NEBL: variants seen among roughly 807,000 people sequenced by gnomAD.
NEBL encodes the protein LIM and SH3 protein 2.
A neutral mutation model predicts 140.2 loss-of-function variants in NEBL; 122 were observed. The observed-to-expected ratio is 0.87, with a 90% confidence interval of 0.75 to 1.01. NEBL has a LOEUF of 1.01. Ranked by LOEUF, NEBL falls within the 50% of genes least tolerant of loss-of-function variation. The pLI is 0.00. For missense variants in NEBL, 1,365 were observed against 1,231.3 expected, an observed-to-expected ratio of 1.11 and a Z score of -1.62; for synonymous variants, 436 against 398.9, an observed-to-expected ratio of 1.09 and a Z score of -1.11.
chr10:21,290,323 G>T (rs767360572), intron 1 of NEBL, among the ~76,000 whole-genome samples: 11 of 152,126 alleles, frequency 7.2e-5, no homozygotes, highest in Non-Finnish European at 1.3e-4. Context: ...GAGCATTTTT[G>T]AATTAAAGGA....
chr10:21,159,951 C>T (rs572496307), intron 2 of NEBL, among the ~76,000 whole-genome samples: 3 of 152,334 alleles, frequency 2.0e-5, no homozygotes, highest in Admixed American at 2.0e-4. Context: ...CTTGATCCTT[C>T]CTCCATTCAG....
rs1290863314 is a variant in NEBL at position 20,884,067 on chromosome 10, G to C, written c.370-3163C>G. On this transcript the variant is annotated intron_variant, in intron 4 of 27. Coordinates refer to ENST00000377122, the MANE Select transcript of NEBL (RefSeq NM_006393.3). ...ATACTTTGAGAACTGAGATTGCCATGTTACTAGGAACCTGGAGACAGGAGT... is the reference window on the plus strand; with the variant it reads ...ATACTTTGAGAACTGAGATTGCCATCTTACTAGGAACCTGGAGACAGGAGT... Among the ~76,000 whole-genome samples, 5 of 152,156 alleles carry C rather than the reference G, an allele frequency of 3.3e-5. No individual in the cohort carries two copies. The South Asian group carries it at 1.0e-3, about 32-fold the overall frequency.
chr10:21,208,202 A>G (rs1003042647), intron 3 of NEBL, among the ~76,000 whole-genome samples: 2 of 152,232 alleles, frequency 1.3e-5, no homozygotes, highest in Admixed American at 6.5e-5. Flanking sequence ...TGAAATCATC[A>G]GGACATAGAA....
intron 2 of NEBL, among the ~76,000 whole-genome samples, chr10:21,107,729 T>C (rs528088804): frequency 6.0e-4 from 91 of 152,266 alleles, no homozygotes; most frequent in Middle Eastern, 6.8e-3. Flanking sequence ...ATTGAAATAG[T>C]TTTGGAAGGA....
At chr10:20,823,836 A>C (rs1466919581) in intron 18 of NEBL, among the ~76,000 whole-genome samples, 1 of 152,108 alleles carries the variant, frequency 6.6e-6, no homozygotes, top group Non-Finnish European at 1.5e-5. Flanking sequence ...AGAAGAGAAA[A>C]AGGGAGATGG....
intron 11 of NEBL, among the ~76,000 whole-genome samples, chr10:20,846,419 A>G (rs1416021375): frequency 3.3e-5 from 5 of 152,194 alleles, no homozygotes; most frequent in Non-Finnish European, 7.4e-5. Flanking sequence ...ATGAAGGAGA[A>G]TAAGAGAAGC....
At chr10:21,259,353 G>A (rs886461242) in intron 1 of NEBL, among the ~76,000 whole-genome samples, 2 of 152,026 alleles carry the variant, frequency 1.3e-5, no homozygotes, top group African/African-American at 4.8e-5. Context: ...ACTTGGAGAC[G>A]GCGAGGAAGA....
rs1166715680 is a variant in NEBL, at chr10:20,867,342, T to A, written c.684+1322A>T. ...TCGGGACTTATTTTATGCTCTTCAA[T>A]CAGACTTCATACCTTTCATCATTTA... On this transcript the variant is annotated intron_variant, in intron 7 of 27. Transcript: ENST00000377122. Among the ~76,000 whole-genome samples the A allele has an allele frequency of 6.6e-5, 10 of 152,262 alleles. No homozygotes were observed. In the South Asian group the frequency reaches 2.1e-3, roughly 32 times the overall value.
chr10:20,872,790 T>G (rs1242883133), intron 5 of NEBL, among the ~76,000 whole-genome samples: 1 of 152,060 alleles, frequency 6.6e-6, no homozygotes, highest in East Asian at 1.9e-4. Context: ...CCCACCAGCA[T>G]CAAGACAGTT....
chr10:21,003,931 T>G (rs1838010768), intron 3 of NEBL, among the ~76,000 whole-genome samples: 1 of 152,198 alleles, frequency 6.6e-6, no homozygotes, highest in South Asian at 2.1e-4. Context: ...TTATGGAACT[T>G]TATAAACAAA....
At chr10:21,202,462 T>C in intron 3 of NEBL, among the ~76,000 whole-genome samples, 1 of 80,416 alleles carries the variant, frequency 1.2e-5, no homozygotes, top group East Asian at 2.5e-4. Context: ...TTTCTTTTTC[T>C]TTTTTTTTTT....
At position 20,845,126 on chromosome 10, in the gene NEBL, A is replaced by G. The variant is rs1176785735; in HGVS notation, c.1227+132T>C. On this transcript the variant is annotated intron_variant, in intron 12 of 27. Transcript: ENST00000377122. Reference sequence around the variant, plus strand: ...TGAAAATGCAACACTTTATTAGTGAAGATCAAAGTGAAAAAAAAGAGTAAT... The same window carrying G: ...TGAAAATGCAACACTTTATTAGTGAGGATCAAAGTGAAAAAAAAGAGTAAT... The G allele has an allele frequency of 6.5e-6, 4 of 613,624 alleles. No individual in the cohort carries two copies. The Admixed American group carries it at 8.4e-5, about 13-fold the overall frequency. 38.0% of individuals were successfully genotyped at this position (613,624 alleles called of 1,614,324 possible). A position where few individuals can be genotyped will look rare whatever the true frequency, so the allele number is the denominator to read the frequency against.
intron 5 of NEBL, among the ~76,000 whole-genome samples, chr10:20,878,622 C>T (rs1222709148): frequency 6.6e-6 from 1 of 152,142 alleles, no homozygotes. Context: ...GGCTTGACTC[C>T]AGAGGAATAT....
At chr10:21,094,946 C>T (rs920382245) in intron 2 of NEBL, among the ~76,000 whole-genome samples, 17 of 152,272 alleles carry the variant, frequency 1.1e-4, no homozygotes, top group South Asian at 1.0e-3. Context: ...ACACAGAAAA[C>T]GCTCCCTATA....
chr10:21,122,136 C>T (rs1193335310), intron 2 of NEBL, among the ~76,000 whole-genome samples: 1 of 152,044 alleles, frequency 6.6e-6, no homozygotes, highest in East Asian at 1.9e-4. Context: ...AGCAATTATC[C>T]TGCCTCAGCC....
intron 2 of NEBL, among the ~76,000 whole-genome samples, chr10:21,129,360 C>T (rs1838991639): frequency 1.3e-5 from 2 of 152,002 alleles, no homozygotes; most frequent in African/African-American, 4.8e-5. Context: ...CATCCTCCCA[C>T]CTTAGCCTTT....
intron 4 of NEBL, among the ~76,000 whole-genome samples, chr10:20,910,318 ATAAC>A (rs1848277322): frequency 6.6e-6 from 1 of 152,254 alleles, no homozygotes. Flanking sequence ...GACAAAGATT[ATAAC>A]TAACTCATGA....
intron 1 of NEBL, among the ~76,000 whole-genome samples, chr10:21,274,208 C>T (rs1009982421): frequency 4.6e-5 from 7 of 152,218 alleles, no homozygotes; most frequent in African/African-American, 1.7e-4. Flanking sequence ...CTCAGTCCAA[C>T]ATCCTTGCAG....
At chr10:20,789,773 T>C (rs1029671484) in intron 26 of NEBL, among the ~76,000 whole-genome samples, 1 of 151,776 alleles carries the variant, frequency 6.6e-6, no homozygotes, top group African/African-American at 2.4e-5. Context: ...GGATTGCTTG[T>C]ATCTGGGAGG....
Sources: allele counts gnomAD v4.1 joint callset (sites outside exome capture counted in the v4.1 genomes callset), GRCh38; gene constraint gnomAD v4.1.1; transcripts MANE v1.5; gene names NCBI Gene and HGNC (gene_info 2026-07-23, HGNC 2026-07-21).